CDH11: variants seen among roughly 807,000 people sequenced by gnomAD.
CDH11 encodes the protein cadherin 11.
Under a neutral mutation model 67.8 loss-of-function variants are expected in CDH11, and 11 were observed. The observed-to-expected ratio is 0.16, with a 90% confidence interval of 0.10 to 0.27. The LOEUF (loss-of-function observed/expected upper bound fraction) is 0.27, where lower values mean the gene tolerates loss of function less well. Among genes scored for constraint, CDH11 ranks in the 10% least tolerant of loss-of-function variants. CDH11 has a pLI of 1.00. For missense variants in CDH11, 847 were observed against 1,031.2 expected (o/e 0.82, Z 2.45); for synonymous variants, 419 against 400.0 (o/e 1.05, Z -0.57).
At chr16:65,102,823 C>T (rs971822120) in intron 1 of CDH11, among the ~76,000 whole-genome samples, 2 of 152,160 alleles carry the variant, frequency 1.3e-5, no homozygotes. Context: ...TTGAACCCAA[C>T]TTTGGGGTGG....
intron 1 of CDH11, among the ~76,000 whole-genome samples, chr16:65,085,433 C>T (rs1597175218): frequency 6.6e-6 from 1 of 152,208 alleles, no homozygotes; most frequent in East Asian, 1.9e-4. Context: ...CGTGGAATCA[C>T]TGGGAATATT....
At chr16:65,112,633 C>T (rs2075179634) in intron 1 of CDH11, among the ~76,000 whole-genome samples, 1 of 152,146 alleles carries the variant, frequency 6.6e-6, no homozygotes, top group Non-Finnish European at 1.5e-5. Flanking sequence ...AATTTCAAAT[C>T]AAACCCTGCC....
Position 65,005,032 on chromosome 16 carries a change from CA to C in CDH11, c.-164del. ...ATCACGTCAGGGCTGCCCACGTCCC[CA>C]GTTAGCTTCTGCAAGCAGAGAGAGG... is the stretch of plus-strand genomic sequence containing the variant. On this transcript the variant is annotated 5_prime_UTR_variant, in exon 3 of 13. An upstream open reading frame in the 5' UTR loses its in-frame stop. Transcript: ENST00000268603. The C allele has an allele frequency of 7.4e-7, 1 of 1,348,338 alleles. No individual in the cohort carries two copies. The highest frequency in any genetic ancestry group is 2.0e-5 in the South Asian group (1 of 51,172). 83.5% of individuals were successfully genotyped at this position (1,348,338 alleles called of 1,614,324 possible). A position where few individuals can be genotyped will look rare whatever the true frequency, so the allele number is the denominator to read the frequency against.
At chr16:65,113,642 T>C (rs897087905) in intron 1 of CDH11, among the ~76,000 whole-genome samples, 1 of 152,092 alleles carries the variant, frequency 6.6e-6, no homozygotes, top group Non-Finnish European at 1.5e-5. Context: ...TGGAAGCAGA[T>C]GGGAGTGATG....
At chr16:64,996,837 T>C (rs906277610) in intron 4 of CDH11, among the ~76,000 whole-genome samples, 15 of 152,150 alleles carry the variant, frequency 9.9e-5, no homozygotes, top group African/African-American at 3.6e-4. Flanking sequence ...GAGGTATAAA[T>C]GAACCCAATG....
intron 2 of CDH11, among the ~76,000 whole-genome samples, chr16:65,041,954 G>C (rs1294442676): frequency 6.6e-6 from 1 of 152,250 alleles, no homozygotes; most frequent in Non-Finnish European, 1.5e-5. Flanking sequence ...AACTCAGAGA[G>C]AGAGAGAGAG....
chr16:65,004,953 C>G lies in CDH11; in HGVS notation c.-84G>C, dbSNP rs747354731. 33 of 1,438,724 alleles carry G rather than the reference C, an allele frequency of 2.3e-5. No individual in the cohort carries two copies. The highest frequency in any genetic ancestry group is 2.7e-5 in the Non-Finnish European group (30 of 1,091,566). 89.1% of individuals were successfully genotyped at this position (1,438,724 alleles called of 1,614,324 possible). On this transcript the variant is annotated 5_prime_UTR_variant, in exon 3 of 13. Coordinates refer to ENST00000268603, the MANE Select transcript of CDH11 (RefSeq NM_001797.4). ...GGTGGTCTTGCTGAGGGTGGCCTCC[C>G]GGACGCGTCACGCAGACCTCTCTTG...
At chr16:65,039,574 G>T (rs890013248) in intron 2 of CDH11, among the ~76,000 whole-genome samples, 18 of 152,162 alleles carry the variant, frequency 1.2e-4, no homozygotes, top group African/African-American at 4.3e-4. Flanking sequence ...ATGAATTAAA[G>T]ACTTAAATAT....
intron 1 of CDH11, among the ~76,000 whole-genome samples, chr16:65,105,648 A>G (rs912717874): frequency 5.3e-5 from 8 of 152,212 alleles, no homozygotes; most frequent in Non-Finnish European, 1.0e-4. Flanking sequence ...AGATGCAACA[A>G]TGCAGGTAGA....
At chr16:65,057,488 C>T (rs1169550440) in intron 1 of CDH11, among the ~76,000 whole-genome samples, 1 of 152,150 alleles carries the variant, frequency 6.6e-6, no homozygotes, top group African/African-American at 2.4e-5. Flanking sequence ...AAAAGGAACA[C>T]CGTGAAGCCA....
rs373589644 is a variant in CDH11, at chr16:64,951,002, C to T, written c.1659G>A (p.Val553=). The change falls in exon 12 of 13, where the codon GTG becomes GTA. Residue 553 remains valine (V), a synonymous_variant. Transcript: ENST00000268603. ...VRDNRDNTAG[V]YARRGGFSRQ... ...GACTGAACCCTCCACGCCGGGCGTACACGCCTGCTGTGTTATCTGCAGAAA... is the reference window on the plus strand; with the variant it reads ...GACTGAACCCTCCACGCCGGGCGTATACGCCTGCTGTGTTATCTGCAGAAA... 13 of 1,613,646 alleles carry T rather than the reference C, an allele frequency of 8.1e-6. No individual in the cohort carries two copies. Among genetic ancestry groups the T allele is most frequent in the Non-Finnish European group, 1.1e-5 (13 of 1,179,930 alleles).
intron 8 of CDH11, among the ~76,000 whole-genome samples, chr16:64,977,992 T>C (rs919571303): frequency 6.6e-6 from 1 of 152,226 alleles, no homozygotes; most frequent in African/African-American, 2.4e-5. Context: ...TTTTCTTTGA[T>C]ATAAATGGAC....
At position 65,053,859 on chromosome 16, in the gene CDH11, G is replaced by T. The variant is rs1397648180; in HGVS notation, c.-228C>A. ...TTTCTGTAACACACTCCACCCATCT[G>T]ATTGGTCACTCAACAAATGACAACA... On this transcript the variant is annotated 5_prime_UTR_variant, in exon 2 of 13. Coordinates refer to ENST00000268603, the MANE Select transcript of CDH11 (RefSeq NM_001797.4). The T allele has an allele frequency of 2.2e-6, 1 of 456,044 alleles. No homozygotes were observed. Among genetic ancestry groups the T allele is most frequent in the Non-Finnish European group, 4.4e-6 (1 of 226,776 alleles). 28.2% of individuals were successfully genotyped at this position (456,044 alleles called of 1,614,324 possible).
At chr16:64,996,696 G>C (rs1379063239) in intron 4 of CDH11, among the ~76,000 whole-genome samples, 1 of 152,136 alleles carries the variant, frequency 6.6e-6, no homozygotes, top group East Asian at 1.9e-4. Flanking sequence ...TATGTACCAT[G>C]GAATACTATG....
chr16:65,092,353 C>T (rs889907468), intron 1 of CDH11, among the ~76,000 whole-genome samples: 2 of 152,196 alleles, frequency 1.3e-5, no homozygotes, highest in African/African-American at 4.8e-5. Flanking sequence ...GTTCCTTCCA[C>T]AGCTTTCCAG....
chr16:65,087,195 G>A (rs1237439719), intron 1 of CDH11, among the ~76,000 whole-genome samples: 2 of 152,176 alleles, frequency 1.3e-5, no homozygotes, highest in African/African-American at 4.8e-5. Flanking sequence ...AATGACAGCA[G>A]CAGAGCCTGA....
At chr16:65,002,905 A>G (rs1275680275) in intron 3 of CDH11, among the ~76,000 whole-genome samples, 1 of 150,764 alleles carries the variant, frequency 6.6e-6, no homozygotes, top group South Asian at 2.1e-4. Flanking sequence ...TGTCCTCATT[A>G]TTCTATTATT....
intron 1 of CDH11, among the ~76,000 whole-genome samples, chr16:65,079,495 ATG>A (rs1364820700): frequency 1.3e-5 from 2 of 152,004 alleles, no homozygotes; most frequent in Admixed American, 6.6e-5. Context: ...GTGCGTGTGT[ATG>A]TGTGTGTGTG....
intron 11 of CDH11, among the ~76,000 whole-genome samples, chr16:64,954,366 T>G (rs1275824037): frequency 6.6e-6 from 1 of 152,206 alleles, no homozygotes; most frequent in Non-Finnish European, 1.5e-5. Context: ...TGAATACTAA[T>G]TATCTGCTTT....
Sources: allele counts gnomAD v4.1 joint callset (sites outside exome capture counted in the v4.1 genomes callset), GRCh38; gene constraint gnomAD v4.1.1; transcripts MANE v1.5; gene names NCBI Gene and HGNC (gene_info 2026-07-23, HGNC 2026-07-21).